The following UHRF2 variants were observed in gnomAD, a reference collection of about 807,000 sequenced individuals.
UHRF2 encodes ubiquitin like with PHD and ring finger domains 2, also known as E3 ubiquitin-protein ligase UHRF2.
In UHRF2, 23 loss-of-function variants were observed where a neutral mutation model predicts 96.8. The ratio of observed to expected loss-of-function variants is 0.24; its 90% CI spans 0.17 to 0.34. The LOEUF (loss-of-function observed/expected upper bound fraction) is 0.34, where lower values mean the gene tolerates loss of function less well. Ranked by LOEUF, UHRF2 falls within the 10% of genes least tolerant of loss-of-function variation. The probability of loss-of-function intolerance (pLI) is 1.00; values close to 1 mark genes in which losing one functional copy is unlikely to be tolerated. For missense variants in UHRF2, 685 were observed against 981.5 expected (o/e 0.70, Z 4.04); for synonymous variants, 385 against 332.6 (o/e 1.16, Z -1.72).
At position 6,459,675 on chromosome 9, in the gene UHRF2, C is replaced by T. The variant is rs569578256; in HGVS notation, c.645-898C>T. ...CAGAGTAAGACTCCATCTCACAAAACAAAACAAAAAACTTGAGGCCTGACA... is the reference window on the plus strand; with the variant it reads ...CAGAGTAAGACTCCATCTCACAAAATAAAACAAAAAACTTGAGGCCTGACA... On this transcript the variant is annotated intron_variant, in intron 3 of 15. Transcript: ENST00000276893. 2.6e-4 allele frequency among the ~76,000 whole-genome samples: 40 copies of T among 152,184 alleles called. 1 individual carries two copies. Among genetic ancestry groups the T allele is most frequent in the African/African-American group, 9.2e-4 (38 of 41,530 alleles).
chr9:6,449,477 A>G (rs990625128), intron 3 of UHRF2: 1 of 152,222 alleles, frequency 6.6e-6, no homozygotes, highest in Non-Finnish European at 1.5e-5. Flanking sequence ...CCTGTCTTTC[A>G]TAGGTGTTAC....
intron 8 of UHRF2, among the ~76,000 whole-genome samples, 180 bp from the exon 9 acceptor site, chr9:6,486,641 T>C (rs907603386): frequency 2.6e-5 from 4 of 152,200 alleles, no homozygotes; most frequent in African/African-American, 9.7e-5. Flanking sequence ...GATAGAACTC[T>C]GTGAGACTCA....
At chr9:6,427,814 A>G (rs1218704675) in intron 2 of UHRF2, among the ~76,000 whole-genome samples, 2 of 152,244 alleles carry the variant, frequency 1.3e-5, no homozygotes, top group Non-Finnish European at 2.9e-5. Context: ...AGATACCACT[A>G]CTACATATGG....
Position 6,420,968 on chromosome 9 carries a change from G to A in UHRF2, c.210G>A (p.Gln70=), listed in dbSNP as rs1819897693. Residue 70 remains glutamine, a synonymous_variant, in exon 2 of 16, where the codon CAG becomes CAA. Coordinates refer to ENST00000276893, the MANE Select transcript of UHRF2 (RefSeq NM_152896.3). ...DYDVGLNDII[Q]LLVRPDPDHL... is the part of the protein sequence containing the mutation. ...ATGTTGGACTGAATGATATAATTCAGCTGCTAGTTCGCCCAGACCCTGATC... is the reference window on the plus strand; with the variant it reads ...ATGTTGGACTGAATGATATAATTCAACTGCTAGTTCGCCCAGACCCTGATC... 2 of 1,614,000 alleles carry A rather than the reference G, an allele frequency of 1.2e-6. No individual in the cohort carries two copies. The highest frequency in any genetic ancestry group is 1.3e-5 in the African/African-American group (1 of 74,892).
intron 9 of UHRF2, among the ~76,000 whole-genome samples, chr9:6,490,338 T>C (rs778104529): frequency 2.6e-5 from 4 of 152,176 alleles, no homozygotes; most frequent in Non-Finnish European, 4.4e-5. Context: ...TAGCAGAATA[T>C]TAAATAAGGC....
At chr9:6,421,756 A>G (rs1819943841) in intron 2 of UHRF2, among the ~76,000 whole-genome samples, 1 of 152,140 alleles carries the variant, frequency 6.6e-6, no homozygotes, top group Non-Finnish European at 1.5e-5. Context: ...TCCCTATCAG[A>G]ACACTTCTCT....
At chr9:6,465,409 C>G (rs943962800) in intron 4 of UHRF2, among the ~76,000 whole-genome samples, 1 of 152,094 alleles carries the variant, frequency 6.6e-6, no homozygotes, top group Non-Finnish European at 1.5e-5. Flanking sequence ...GGTAGAACTT[C>G]TCAATAAAGT....
At chr9:6,472,001 A>G (rs1451250031) in intron 4 of UHRF2, among the ~76,000 whole-genome samples, 1 of 152,244 alleles carries the variant, frequency 6.6e-6, no homozygotes, top group African/African-American at 2.4e-5. Flanking sequence ...TAACTTACAT[A>G]CAGTAATATG....
chr9:6,433,853 T>G (rs1198817924), intron 2 of UHRF2, 61 bp from the exon 3 acceptor site: 1 of 1,544,270 alleles, frequency 6.5e-7, no homozygotes, highest in Admixed American at 1.9e-5. Context: ...TGAGTTACAT[T>G]AAGGTTTTTG....
chr9:6,433,795 A>C, intron 2 of UHRF2, 119 bp from the exon 3 acceptor site: 2 of 1,008,616 alleles, frequency 2.0e-6, no homozygotes, highest in Non-Finnish European at 2.9e-6. Context: ...ACCACTTTAA[A>C]CATGAGTAGC....
At chr9:6,486,104 C>T (rs1480870450) in intron 8 of UHRF2, among the ~76,000 whole-genome samples, 1 of 152,030 alleles carries the variant, frequency 6.6e-6, no homozygotes, top group African/African-American at 2.4e-5. Context: ...ATCATGTTGA[C>T]TTGGGTTTGA....
chr9:6,445,712 C>G (rs931310681), intron 3 of UHRF2, among the ~76,000 whole-genome samples: 11 of 152,110 alleles, frequency 7.2e-5, no homozygotes, highest in African/African-American at 2.7e-4. Context: ...TGCATGCCAC[C>G]ATAACTGGCT....
intron 14 of UHRF2, among the ~76,000 whole-genome samples, chr9:6,503,997 A>AT (rs1208685975): frequency 3.7e-5 from 3 of 80,952 alleles, no homozygotes; most frequent in Admixed American, 3.4e-4. Context: ...AGAGTACTTG[A>AT]TTTTTTTAAA....
At chr9:6,487,498 C>T (rs1270481125) in intron 9 of UHRF2, among the ~76,000 whole-genome samples, 2 of 152,194 alleles carry the variant, frequency 1.3e-5, no homozygotes, top group Non-Finnish European at 2.9e-5. Flanking sequence ...TCCTGAGTAG[C>T]TGGGATTACA....
intron 3 of UHRF2, among the ~76,000 whole-genome samples, chr9:6,456,177 A>G (rs1001445848): frequency 3.0e-4 from 46 of 152,260 alleles, no homozygotes; most frequent in African/African-American, 1.0e-3. Flanking sequence ...AGAGCTGGCT[A>G]CATGTAAAAA....
In UHRF2 at chr9:6,499,834, G is replaced by C; in HGVS notation, c.1909-1G>C. 1 of 1,596,762 alleles carries C rather than the reference G, an allele frequency of 6.3e-7. No homozygotes were observed. The highest frequency in any genetic ancestry group is 8.5e-7 in the Non-Finnish European group (1 of 1,171,346). On this transcript the variant is annotated splice_acceptor_variant, in intron 12 of 15. Coordinates refer to ENST00000276893, the MANE Select transcript of UHRF2 (RefSeq NM_152896.3). LOFTEE classifies it high-confidence loss of function. Reference sequence around the variant, plus strand: ...TACTCTCCCTCCTCCCCCCCCATCAGTATCCAGCAGGTTACCCTTCAGATA... The same window carrying C: ...TACTCTCCCTCCTCCCCCCCCATCACTATCCAGCAGGTTACCCTTCAGATA...
At chr9:6,437,778 T>G (rs1483838501) in intron 3 of UHRF2, among the ~76,000 whole-genome samples, 4 of 152,054 alleles carry the variant, frequency 2.6e-5, no homozygotes, top group African/African-American at 9.7e-5. Context: ...CCACCACACC[T>G]GGCTAATGTT....
intron 4 of UHRF2, among the ~76,000 whole-genome samples, chr9:6,464,404 T>G (rs1380126469): frequency 6.6e-6 from 1 of 152,316 alleles, no homozygotes; most frequent in East Asian, 1.9e-4. Context: ...CTTACGATGT[T>G]TGAATAGTAG....
rs543511641 is a variant in UHRF2, at chr9:6,473,060, C to G, written c.864-2331C>G. Among the ~76,000 whole-genome samples, 21 of 152,238 alleles carry G rather than the reference C, an allele frequency of 1.4e-4. 1 individual carries two copies. The South Asian group carries it at 4.1e-3, about 30-fold the overall frequency. ...AGCTTTCCTAGTACCTAACTATGGT[C>G]TCGAAATACCTTTCCCACTGAAAGA... On this transcript the variant is annotated intron_variant, in intron 4 of 15. Transcript: ENST00000276893.
Sources: allele counts gnomAD v4.1 joint callset (sites outside exome capture counted in the v4.1 genomes callset), GRCh38; gene constraint gnomAD v4.1.1; transcripts MANE v1.5; gene names NCBI Gene and HGNC (gene_info 2026-07-23, HGNC 2026-07-21).